The following APLP2 variants were observed in gnomAD, a reference collection of about 807,000 sequenced individuals.
The protein encoded by APLP2 is CDEI box-binding protein.
A neutral mutation model predicts 89.9 loss-of-function variants in APLP2; 53 were observed. That is an observed-to-expected ratio of 0.59 (90% CI 0.47 to 0.74). The LOEUF (loss-of-function observed/expected upper bound fraction) is 0.74, where lower values mean the gene tolerates loss of function less well. APLP2 is among the 30% of genes least tolerant of loss of function. The probability of loss-of-function intolerance (pLI) is 0.00; values close to 1 mark genes in which losing one functional copy is unlikely to be tolerated. For synonymous variants in APLP2, 372 were observed against 348.6 expected, an observed-to-expected ratio of 1.07 and a Z score of -0.75; for missense variants, 973 against 975.9, an observed-to-expected ratio of 1.00 and a Z score of 0.04.
chr11:130,083,805 T>G (rs780129871), intron 1 of APLP2, among the ~76,000 whole-genome samples: 3 of 152,358 alleles, frequency 2.0e-5, no homozygotes, highest in Non-Finnish European at 2.9e-5. Context: ...TGCATATATC[T>G]GTCTGGGATA....
At chr11:130,115,773 C>T (rs1949089472) in intron 3 of APLP2, among the ~76,000 whole-genome samples, 1 of 152,144 alleles carries the variant, frequency 6.6e-6, no homozygotes, top group African/African-American at 2.4e-5. Context: ...TCCCTAGGAG[C>T]TTCTGATGAA....
Position 130,133,640 on chromosome 11 carries a change from T to A in APLP2, c.1596T>A (p.His532Gln). Residue 532 changes from histidine to glutamine, a missense_variant, in exon 12 of 17, where the codon CAT (histidine) becomes CAA (glutamine). Coordinates refer to ENST00000338167, the MANE Select transcript of APLP2 (RefSeq NM_001142276.2). ...AAQMKSQVMTHLHVIEERRNQ... is the reference protein window; with the variant it reads ...AAQMKSQVMTQLHVIEERRNQ... ...AACTCTGCTTCCAGGTGATGACACA[T>A]CTCCACGTGATTGAAGAAAGGAGGA... The A allele has an allele frequency of 6.2e-7, 1 of 1,613,942 alleles. No individual in the cohort carries two copies.
At chr11:130,103,295 C>T (rs1215808896) in intron 1 of APLP2, among the ~76,000 whole-genome samples, 2 of 152,054 alleles carry the variant, frequency 1.3e-5, no homozygotes, top group African/African-American at 2.4e-5. Context: ...TTTATATTTC[C>T]GATGATACCT....
rs1176695807 is a variant in APLP2 at position 130,127,807 on chromosome 11, C to A, written c.1263C>A (p.Asn421Lys). ...AAGAGGCAGAGCTTCAAGCTAAGAA[C>A]CTCCCCAAAGCAGAGAGGCAGACTC... ...EWEEAELQAKNLPKAERQTLI... is the reference protein window; with the variant it reads ...EWEEAELQAKKLPKAERQTLI... Residue 421 changes from asparagine (N) to lysine (K), a missense_variant, in exon 9 of 17, where the codon AAC (asparagine) becomes AAA (lysine). Coordinates refer to ENST00000338167, the MANE Select transcript of APLP2 (RefSeq NM_001142276.2). The A allele has an allele frequency of 1.2e-6, 2 of 1,614,136 alleles. No individual in the cohort carries two copies. Among genetic ancestry groups the A allele is most frequent in the Middle Eastern group, 1.7e-4 (1 of 6,060 alleles).
rs548982820 is a variant in APLP2 at position 130,111,471 on chromosome 11, A to G, written c.403+810A>G. Reference sequence around the variant, plus strand: ...ACATCCTGAGTGGTTCTGTAGCTATATGTAATTGGAACTATTAACTTATTC... The same window carrying G: ...ACATCCTGAGTGGTTCTGTAGCTATGTGTAATTGGAACTATTAACTTATTC... On this transcript the variant is annotated intron_variant, in intron 3 of 16. Transcript: ENST00000338167. Among the ~76,000 whole-genome samples, 8 of 152,322 alleles carry G rather than the reference A, an allele frequency of 5.3e-5. No homozygotes were observed. The South Asian group carries it at 1.4e-3, about 28-fold the overall frequency.
chr11:130,095,985 A>G (rs1245099496), intron 1 of APLP2, among the ~76,000 whole-genome samples: 2 of 152,106 alleles, frequency 1.3e-5, no homozygotes, highest in African/African-American at 4.8e-5. Flanking sequence ...GGAGATGGAC[A>G]CTGCAGATGA....
At position 130,126,683 on chromosome 11, in the gene APLP2, C is replaced by T; in HGVS notation, c.1091-17C>T. On this transcript the variant is annotated splice_polypyrimidine_tract_variant and intron_variant, in intron 7 of 16. Coordinates refer to ENST00000338167, the MANE Select transcript of APLP2 (RefSeq NM_001142276.2). The stretch of plus-strand genomic sequence containing the variant: ...CATCTGATCCCAAAGAGAACTCCCT[C>T]TGTAATTTTGTTTCAGTTCCTCCAA... The T allele has an allele frequency of 6.2e-7, 1 of 1,613,160 alleles. No homozygotes were observed. Among genetic ancestry groups the T allele is most frequent in the Non-Finnish European group, 8.5e-7 (1 of 1,179,112 alleles).
At chr11:130,105,152 C>A (rs1421109367) in intron 1 of APLP2, among the ~76,000 whole-genome samples, 1 of 152,206 alleles carries the variant, frequency 6.6e-6, no homozygotes, top group Non-Finnish European at 1.5e-5. Context: ...GTATCTCATG[C>A]TTAGGATCCC....
chr11:130,143,373 G>A lies in APLP2; in HGVS notation c.2181G>A (p.Glu727=). 1.2e-6 allele frequency: 2 copies of A among 1,614,154 alleles called. No individual in the cohort carries two copies. The highest frequency in any genetic ancestry group is 1.7e-6 in the Non-Finnish European group (2 of 1,180,036). The part of the protein sequence containing the change: ...VEVDPMLTPE[E]RHLNKMQNHG... ...TTGATCCAATGCTCACCCCAGAAGA[G>A]CGTCACCTGAACAAGATGCAGAACC... The change falls in exon 17 of 17, where the codon GAG becomes GAA. Residue 727 remains glutamate, a synonymous_variant. Transcript: ENST00000338167.
At chr11:130,105,266 G>A (rs963341563) in intron 1 of APLP2, among the ~76,000 whole-genome samples, 1 of 152,168 alleles carries the variant, frequency 6.6e-6, no homozygotes, top group African/African-American at 2.4e-5. Flanking sequence ...ATAAATACGT[G>A]TATACTGGGT....
At chr11:130,071,671 C>T (rs898077789) in intron 1 of APLP2, among the ~76,000 whole-genome samples, 1 of 152,164 alleles carries the variant, frequency 6.6e-6, no homozygotes, top group African/African-American at 2.4e-5. Flanking sequence ...TTCGTTAATA[C>T]TTGTGTAGCG....
At position 130,126,572 on chromosome 11, in the gene APLP2, C is replaced by T; in HGVS notation, c.1091-128C>T. The T allele has an allele frequency of 3.8e-6, 4 of 1,064,760 alleles. No individual in the cohort carries two copies. In the Admixed American group the frequency reaches 5.8e-5, roughly 15 times the overall value. 66.0% of individuals were successfully genotyped at this position (1,064,760 alleles called of 1,614,324 possible). A position where few individuals can be genotyped will look rare whatever the true frequency, so the allele number is the denominator to read the frequency against. On this transcript the variant is annotated intron_variant, in intron 7 of 16. Coordinates refer to ENST00000338167, the MANE Select transcript of APLP2 (RefSeq NM_001142276.2). ...AACCAAGTGAAGTCTTGGCAGATAG[C>T]AGCACCCTGCACTTAGAGAATGCCA...
At chr11:130,070,820 A>G (rs1239091145) in intron 1 of APLP2, 6 of 1,239,778 alleles carry the variant, frequency 4.8e-6, no homozygotes, top group Admixed American at 7.5e-5. Context: ...ACTGTTGGAA[A>G]AATCGTCCTC....
intron 1 of APLP2, among the ~76,000 whole-genome samples, chr11:130,083,753 A>G (rs1943638674): frequency 6.6e-6 from 1 of 151,966 alleles, no homozygotes; most frequent in Non-Finnish European, 1.5e-5. Context: ...GGTTGTTTCC[A>G]TGTCTTGGCT....
rs573746951 is a variant in APLP2 at position 130,120,440 on chromosome 11, G to A, written c.404-266G>A. ...GTGATCCTATTATATTCCCCGTCAC[G>A]TGTTGCTGTAGCCCTGCAGTGGGAC... On this transcript the variant is annotated intron_variant, in intron 3 of 16. Coordinates refer to ENST00000338167, the MANE Select transcript of APLP2 (RefSeq NM_001142276.2). Among the ~76,000 whole-genome samples, 25 of 152,280 alleles carry A rather than the reference G, an allele frequency of 1.6e-4. 1 individual carries two copies. In the South Asian group the frequency reaches 4.8e-3, roughly 29 times the overall value.
chr11:130,091,471 G>A (rs1197532360), intron 1 of APLP2, among the ~76,000 whole-genome samples: 4 of 131,722 alleles, frequency 3.0e-5, no homozygotes, highest in South Asian at 2.4e-4. Flanking sequence ...CCTCCCAGAC[G>A]GGGCGGCTGG....
intron 1 of APLP2, among the ~76,000 whole-genome samples, chr11:130,096,383 A>G (rs1471424548): frequency 6.6e-6 from 1 of 152,118 alleles, no homozygotes. Context: ...TAGAGACTGG[A>G]TCCTGGAGGG....
rs60341658 is a variant in APLP2, at chr11:130,084,245, CA to C, written c.105+14176del. 2.2e-3 allele frequency among the ~76,000 whole-genome samples: 301 copies of C among 137,326 alleles called. 4 individuals carry two copies. The highest frequency in any genetic ancestry group is 1.1e-3 in the Non-Finnish European group (70 of 62,254). The allele number at this position is 137,326 out of a possible 152,430, so 90.1% of individuals were successfully genotyped here. Reference sequence around the variant, plus strand: ...TGGGCGATAGAGCGAGACTCCGTCTCAAAAAAAAAAAAATGCTTTTTCTGCA... The same window carrying C: ...TGGGCGATAGAGCGAGACTCCGTCTCAAAAAAAAAAAATGCTTTTTCTGCA... On this transcript the variant is annotated intron_variant, in intron 1 of 16. Coordinates refer to ENST00000338167, the MANE Select transcript of APLP2 (RefSeq NM_001142276.2).
chr11:130,139,686 T>C (rs959354), intron 13 of APLP2: 43,395 of 152,190 alleles, frequency 0.29, 11,460 homozygotes, highest in African/African-American at 0.7. Flanking sequence ...CTTGCTGCTC[T>C]GTTTAGAGAA....
Sources: allele counts gnomAD v4.1 joint callset (sites outside exome capture counted in the v4.1 genomes callset), GRCh38; gene constraint gnomAD v4.1.1; transcripts MANE v1.5; gene names NCBI Gene and HGNC (gene_info 2026-07-23, HGNC 2026-07-21).